Variants in STK33 observed in about 807,000 individuals in gnomAD.
STK33 encodes serine/threonine-protein kinase 33.
In STK33, 52 loss-of-function variants were observed where a neutral mutation model predicts 58.0. That is an observed-to-expected ratio of 0.90 (90% CI 0.72 to 1.13). The LOEUF is 1.13. Among genes scored for constraint, STK33 ranks in the 50% most tolerant of loss-of-function variants. STK33 has a pLI of 0.00. For synonymous variants in STK33, 215 were observed against 200.1 expected (o/e 1.07, Z -0.63); for missense variants, 630 against 604.2 (o/e 1.04, Z -0.45).
At chr11:8,383,581 T>G in the STK33 span, among the ~76,000 whole-genome samples, 2 of 152,352 alleles carry the variant, frequency 1.3e-5, no homozygotes, top group African/African-American at 4.8e-5. Flanking sequence ...TTTTCTGATT[T>G]ATTGCTAATG....
chr11:8,532,219 T>A (rs1954612150), intron 1 of STK33, among the ~76,000 whole-genome samples: 1 of 152,254 alleles, frequency 6.6e-6, no homozygotes. Context: ...CCATCACTTA[T>A]TCACACAATT....
intron 10 of STK33, among the ~76,000 whole-genome samples, chr11:8,454,285 C>A (rs939348976): frequency 2.0e-5 from 3 of 152,232 alleles, no homozygotes; most frequent in African/African-American, 7.2e-5. Context: ...TGAATAAAAT[C>A]TTCAAGAATA....
At chr11:8,519,156 G>C (rs1346186664) in intron 1 of STK33, among the ~76,000 whole-genome samples, 1 of 152,180 alleles carries the variant, frequency 6.6e-6, no homozygotes, top group African/African-American at 2.4e-5. Context: ...AGACCACAGT[G>C]CAAACAAACT....
chr11:8,566,296 G>C (rs1270523262), intron 1 of STK33, among the ~76,000 whole-genome samples: 2 of 152,176 alleles, frequency 1.3e-5, no homozygotes, highest in Non-Finnish European at 2.9e-5. Context: ...TGAGAGTTGA[G>C]AAATAAAAGC....
intron 1 of STK33, among the ~76,000 whole-genome samples, chr11:8,571,896 TAAA>T (rs1160298732): frequency 3.7e-5 from 5 of 133,988 alleles, no homozygotes; most frequent in Middle Eastern, 4.2e-3. Context: ...AAAAAAATTT[TAAA>T]AAAATTTAAA....
chr11:8,522,007 A>G (rs895650635), intron 1 of STK33, among the ~76,000 whole-genome samples: 4 of 152,172 alleles, frequency 2.6e-5, no homozygotes, highest in Admixed American at 2.0e-4. Flanking sequence ...GGAGAAAAAA[A>G]ACACTTTTAC....
chr11:8,462,730 G>A (rs7115481), intron 7 of STK33, among the ~76,000 whole-genome samples: 2,218 of 152,180 alleles, frequency 0.015, 49 homozygotes, highest in African/African-American at 0.05. Context: ...ACTCCAAGGA[G>A]CACAAGGACT....
At chr11:8,539,295 T>C (rs569063961) in intron 1 of STK33, among the ~76,000 whole-genome samples, 128 of 152,334 alleles carry the variant, frequency 8.4e-4, no homozygotes, top group African/African-American at 3.0e-3. Context: ...CCCGTTTCTC[T>C]AGGGGCTTAA....
intron 1 of STK33, among the ~76,000 whole-genome samples, chr11:8,556,600 G>C (rs551872156): frequency 3.9e-5 from 6 of 152,206 alleles, no homozygotes; most frequent in African/African-American, 9.6e-5. Flanking sequence ...TCTTCAGAAA[G>C]GCTTTTTTTA....
the STK33 span, among the ~76,000 whole-genome samples, chr11:8,370,160 G>T: frequency 1.3e-5 from 2 of 152,172 alleles, no homozygotes; most frequent in Admixed American, 1.3e-4. Flanking sequence ...AGGGGGAACA[G>T]GGAAAATAGG....
intron 1 of STK33, among the ~76,000 whole-genome samples, chr11:8,508,079 C>T (rs939806199): frequency 1.3e-5 from 2 of 151,864 alleles, no homozygotes; most frequent in African/African-American, 2.4e-5. Context: ...TTAGTAGAGA[C>T]GGGTTTTCAC....
chr11:8,343,903 C>A, the STK33 span, among the ~76,000 whole-genome samples: 2 of 152,162 alleles, frequency 1.3e-5, no homozygotes, highest in Admixed American at 6.5e-5. Context: ...CCCATTCCCC[C>A]CAAGGGAATC....
intron 14 of STK33, among the ~76,000 whole-genome samples, chr11:8,418,256 A>T (rs1941409547): frequency 6.6e-6 from 1 of 151,842 alleles, no homozygotes; most frequent in Admixed American, 6.6e-5. Context: ...TCCCACCCTC[A>T]AGTAGTCCCA....
chr11:8,427,285 T>C (rs1942886470), intron 14 of STK33, among the ~76,000 whole-genome samples: 1 of 152,230 alleles, frequency 6.6e-6, no homozygotes, highest in Non-Finnish European at 1.5e-5. Flanking sequence ...ACAGTTAACA[T>C]ATTACTCCAG....
chr11:8,339,898 C>G, the STK33 span, among the ~76,000 whole-genome samples: 1 of 152,236 alleles, frequency 6.6e-6, no homozygotes, highest in Non-Finnish European at 1.5e-5. Flanking sequence ...CTCACCTCCT[C>G]TCTCTCCAGC....
chr11:8,423,662 A>T lies in STK33; in HGVS notation c.1147-9970T>A, dbSNP rs978280489. On this transcript the variant is annotated intron_variant, in intron 14 of 15. Transcript: ENST00000687296. ...AGACCAATTTTGGTAAATATTCCAC[A>T]TGTGCTTGAGAACATGTACATTCTC... Among the ~76,000 whole-genome samples the T allele has an allele frequency of 2.0e-5, 3 of 152,092 alleles. No homozygotes were observed. In the East Asian group the frequency reaches 5.8e-4, roughly 29 times the overall value.
chr11:8,392,463 T>G lies in STK33; in HGVS notation c.*47A>C. The G allele has an allele frequency of 2.5e-6, 4 of 1,607,246 alleles. No individual in the cohort carries two copies. Among genetic ancestry groups the G allele is most frequent in the Non-Finnish European group, 3.4e-6 (4 of 1,175,758 alleles). On this transcript the variant is annotated 3_prime_UTR_variant, in exon 16 of 16. Coordinates refer to ENST00000687296, the MANE Select transcript of STK33 (RefSeq NM_001352389.2). ...CCCTCCTACCCCCTCATCAAAGTGCTAACAAGAGCAGCTTTGTTTTTGTAC... is the reference window on the plus strand; with the variant it reads ...CCCTCCTACCCCCTCATCAAAGTGCGAACAAGAGCAGCTTTGTTTTTGTAC...
At chr11:8,574,679 T>C (rs188348624) in intron 1 of STK33, among the ~76,000 whole-genome samples, 8 of 152,036 alleles carry the variant, frequency 5.3e-5, no homozygotes, top group Non-Finnish European at 1.2e-4. Context: ...CAGACCAATA[T>C]CCTTCATGAA....
chr11:8,565,241 C>T (rs1365457137), intron 1 of STK33, among the ~76,000 whole-genome samples: 2 of 152,202 alleles, frequency 1.3e-5, no homozygotes, highest in Non-Finnish European at 2.9e-5. Flanking sequence ...ATAGGTTTTT[C>T]ACCATGATTT....
Sources: gnomAD v4.1 joint callset for allele counts (sites outside exome capture counted in the v4.1 genomes callset) on GRCh38, gnomAD v4.1.1 for gene constraint, MANE v1.5 for transcripts, NCBI Gene and HGNC (gene_info 2026-07-23, HGNC 2026-07-21) for gene names.